SLC16A4: variants seen among roughly 807,000 people sequenced by gnomAD.
The protein encoded by SLC16A4 is solute carrier family 16 member 4.
A neutral mutation model predicts 47.9 loss-of-function variants in SLC16A4; 39 were observed. The observed-to-expected ratio is 0.81, with a 90% confidence interval of 0.63 to 1.06. The LOEUF (loss-of-function observed/expected upper bound fraction) is 1.06, where lower values mean the gene tolerates loss of function less well. Ranked by LOEUF, SLC16A4 falls within the 50% of genes least tolerant of loss-of-function variation. SLC16A4 has a pLI of 0.00. For missense variants in SLC16A4, 524 were observed against 573.8 expected, an observed-to-expected ratio of 0.91 and a Z score of 0.89; for synonymous variants, 189 against 199.9, an observed-to-expected ratio of 0.95 and a Z score of 0.46.
In SLC16A4 at chr1:110,381,054, G is replaced by A. The variant is rs759564667; in HGVS notation, c.454C>T (p.Arg152Cys). ...AGAAAAGTCAGTCCCATCCCAGAAC[G>A]GGCAATAGCTGTAGAAAGAGCCAAT... ...KRLALSTAIA[R>C]SGMGLTFLLA... The change falls in exon 5 of 9, where the codon CGT becomes TGT. Residue 152 changes from arginine to cysteine, a missense_variant. By Grantham distance (180) the Arg-to-Cys change is radical. Transcript: ENST00000369779. 2.3e-5 allele frequency: 37 copies of A among 1,613,874 alleles called. No individual in the cohort carries two copies. Among genetic ancestry groups the A allele is most frequent in the South Asian group, 4.4e-5 (4 of 91,084 alleles).
At chr1:110,383,805 GTTTTTTTTTTT>G (rs71096348) in intron 2 of SLC16A4, among the ~76,000 whole-genome samples, 6 of 65,762 alleles carry the variant, frequency 9.1e-5, no homozygotes, top group Non-Finnish European at 1.3e-4. Flanking sequence ...TTAAAAGGAG[GTTTTTTTTTTT>G]TTTTTTTTTT....
intron 3 of SLC16A4, among the ~76,000 whole-genome samples, chr1:110,382,419 A>G: frequency 6.6e-6 from 1 of 152,036 alleles, no homozygotes; most frequent in Non-Finnish European, 1.5e-5. Flanking sequence ...AGATAGCACC[A>G]CTGCACTCCA....
Position 110,383,643 on chromosome 1 carries a change from C to T in SLC16A4, c.88-677G>A, listed in dbSNP as rs181842300. Among the ~76,000 whole-genome samples, 279 of 152,118 alleles carry T rather than the reference C, an allele frequency of 1.8e-3. 1 individual carries two copies. The highest frequency in any genetic ancestry group is 2.1e-3 in the Non-Finnish European group (142 of 68,000). On this transcript the variant is annotated intron_variant, in intron 2 of 8. Coordinates refer to ENST00000369779, the MANE Select transcript of SLC16A4 (RefSeq NM_004696.3). The stretch of plus-strand genomic sequence containing the variant: ...GTTTCACAATAGTGATGTTATCCCC[C>T]GAGCAATTTGGGGAGGGTCAGTCTT...
intron 8 of SLC16A4, among the ~76,000 whole-genome samples, chr1:110,368,400 T>C (rs1661508542): frequency 6.6e-6 from 1 of 152,212 alleles, no homozygotes; most frequent in Non-Finnish European, 1.5e-5. Context: ...TGCAGAATTA[T>C]TAAGCTGAAG....
intron 8 of SLC16A4, among the ~76,000 whole-genome samples, chr1:110,374,553 AAC>A (rs1661878715): frequency 6.6e-6 from 1 of 152,222 alleles, no homozygotes; most frequent in East Asian, 1.9e-4. Context: ...GTGTGTGAGA[AAC>A]TAAAGTTTAG....
At chr1:110,378,092 G>A (rs1435279315) in intron 6 of SLC16A4, among the ~76,000 whole-genome samples, 1 of 152,168 alleles carries the variant, frequency 6.6e-6, no homozygotes, top group African/African-American at 2.4e-5. Context: ...GCCTCCCAAA[G>A]TGCTGGGATT....
chr1:110,377,670 T>C (rs1188839142), intron 6 of SLC16A4, among the ~76,000 whole-genome samples: 4 of 152,190 alleles, frequency 2.6e-5, no homozygotes, highest in Non-Finnish European at 5.9e-5. Context: ...CTCCAAAGTT[T>C]ATGCTTAATT....
chr1:110,375,424 T>C (rs1183167895), intron 8 of SLC16A4, 34 bp downstream of exon 8: 4 of 1,195,332 alleles, frequency 3.3e-6, no homozygotes, highest in Non-Finnish European at 5.0e-6. Flanking sequence ...TTTATTGCTA[T>C]TGAAATTTGT....
At chr1:110,371,410 T>C (rs1006593196) in intron 8 of SLC16A4, 22 of 152,236 alleles carry the variant, frequency 1.4e-4, no homozygotes, top group African/African-American at 5.3e-4. Flanking sequence ...TCATGTCAAA[T>C]GCCTTGAATG....
intron 2 of SLC16A4, among the ~76,000 whole-genome samples, chr1:110,383,817 T>TTTG (rs1662578817): frequency 1.7e-5 from 1 of 59,954 alleles, no homozygotes; most frequent in Non-Finnish European, 4.0e-5. Flanking sequence ...TTTTTTTTTT[T>TTTG]TTTTTTTTTT....
chr1:110,374,011 A>C (rs1011131347), intron 8 of SLC16A4, among the ~76,000 whole-genome samples: 1 of 110,670 alleles, frequency 9.0e-6, no homozygotes, highest in Non-Finnish European at 2.2e-5. Context: ...CTTAGTTTAT[A>C]GTCTCCTTCT....
chr1:110,363,804 CAA>C lies in SLC16A4; in HGVS notation c.1424_1425del (p.Phe475CysfsTer24). 2.5e-6 allele frequency: 4 copies of C among 1,578,720 alleles called. No individual in the cohort carries two copies. The highest frequency in any genetic ancestry group is 1.2e-5 in the South Asian group (1 of 86,690). ...TTTTTCCATCTTTCGGCCAATGGTACAAAAAAAAAGGAAACTGAAGAGAGGAG... is the reference window on the plus strand; with the variant it reads ...TTTTTCCATCTTTCGGCCAATGGTACAAAAAAAGGAAACTGAAGAGAGGAG... ...CYLLSSVSFF[F>X]VPLAERWKNS... is the part of the protein sequence containing the mutation. On this transcript the variant is annotated frameshift_variant, in exon 9 of 9. Transcript: ENST00000369779. LOFTEE classifies it high-confidence loss of function.
At chr1:110,368,278 C>T (rs1455710276) in intron 8 of SLC16A4, among the ~76,000 whole-genome samples, 1 of 152,188 alleles carries the variant, frequency 6.6e-6, no homozygotes, top group Non-Finnish European at 1.5e-5. Flanking sequence ...CAGAGAAAGA[C>T]AAGATTACAT....
intron 5 of SLC16A4, 34 bp downstream of exon 5, chr1:110,380,946 GCA>G: frequency 6.3e-7 from 1 of 1,586,106 alleles, no homozygotes; most frequent in South Asian, 1.1e-5. Flanking sequence ...GCTAAATCTT[GCA>G]CAGTTGATAG....
chr1:110,376,813 A>C, intron 7 of SLC16A4, 137 bp downstream of exon 7: 13 of 661,370 alleles, frequency 2.0e-5, no homozygotes, highest in Non-Finnish European at 2.8e-5. Context: ...GACAGGATAT[A>C]GCTGCAGAGT....
intron 8 of SLC16A4, among the ~76,000 whole-genome samples, chr1:110,365,677 A>C (rs1661340882): frequency 6.6e-6 from 1 of 152,306 alleles, no homozygotes; most frequent in Non-Finnish European, 1.5e-5. Flanking sequence ...GGAGTATAGA[A>C]GGTAGCAGTC....
At chr1:110,366,101 TACACACACACACACACAC>T (rs112827792) in intron 8 of SLC16A4, among the ~76,000 whole-genome samples, 3 of 143,832 alleles carry the variant, frequency 2.1e-5, no homozygotes, top group Admixed American at 7.0e-5. Flanking sequence ...CCTTTCATTT[TACACACACACACACACAC>T]ACACACACAC....
intron 8 of SLC16A4, among the ~76,000 whole-genome samples, chr1:110,366,447 G>GAA (rs1661404798): frequency 1.3e-5 from 2 of 152,214 alleles, no homozygotes; most frequent in Admixed American, 1.3e-4. Flanking sequence ...CTCACTCTTA[G>GAA]AATGCTGTTT....
intron 8 of SLC16A4, among the ~76,000 whole-genome samples, chr1:110,367,991 G>A (rs1661485716): frequency 6.6e-6 from 1 of 152,046 alleles, no homozygotes; most frequent in Non-Finnish European, 1.5e-5. Context: ...ACCGTGCCCG[G>A]CTAATTTTTT....
Sources: gnomAD v4.1 joint callset for allele counts (sites outside exome capture counted in the v4.1 genomes callset) on GRCh38, gnomAD v4.1.1 for gene constraint, MANE v1.5 for transcripts, NCBI Gene and HGNC (gene_info 2026-07-23, HGNC 2026-07-21) for gene names.